Variants in CLUAP1 observed in about 807,000 individuals in gnomAD.
The protein encoded by CLUAP1 is clusterin-associated protein 1.
Under a neutral mutation model 55.0 loss-of-function variants are expected in CLUAP1, and 50 were observed. The observed-to-expected ratio is 0.91, with a 90% CI of 0.72 to 1.15. The LOEUF (loss-of-function observed/expected upper bound fraction) is 1.15, where lower values mean the gene tolerates loss of function less well. Ranked by LOEUF, CLUAP1 falls within the 50% of genes most tolerant of loss-of-function variation. CLUAP1 has a pLI of 0.00. For missense variants in CLUAP1, 530 were observed against 507.6 expected (o/e 1.04, Z -0.42); for synonymous variants, 195 against 175.4 (o/e 1.11, Z -0.88).
intron 10 of CLUAP1, among the ~76,000 whole-genome samples, chr16:3,532,565 C>A (rs572275880): frequency 1.3e-5 from 2 of 149,456 alleles, no homozygotes; most frequent in South Asian, 2.1e-4. Context: ...CAGGTGTGAA[C>A]CACCATACCT....
In CLUAP1 at chr16:3,526,424, AC is replaced by A; in HGVS notation, c.869del (p.Thr290IlefsTer4). The A allele has an allele frequency of 6.2e-7, 1 of 1,604,404 alleles. No individual in the cohort carries two copies. Among genetic ancestry groups the A allele is most frequent in the South Asian group, 1.1e-5 (1 of 89,004 alleles). ...TCCTCTTCCACAGGAAGCTAAAAAC[AC>A]TCTCTGCCTGATACAGAACAAGCTC... ...EQERFEEAKN[T>X]LCLIQNKLKE... On this transcript the variant is annotated frameshift_variant, in exon 9 of 12. Coordinates refer to ENST00000576634, the MANE Select transcript of CLUAP1 (RefSeq NM_015041.3). LOFTEE classifies it high-confidence loss of function.
intron 1 of CLUAP1, among the ~76,000 whole-genome samples, chr16:3,503,656 A>G (rs2037450534): frequency 6.6e-6 from 1 of 152,090 alleles, no homozygotes; most frequent in Admixed American, 6.5e-5. Context: ...GAGTGCAGTC[A>G]CATGATCTGA....
chr16:3,518,053 T>C (rs896882556), intron 6 of CLUAP1, among the ~76,000 whole-genome samples: 1 of 152,096 alleles, frequency 6.6e-6, no homozygotes, highest in African/African-American at 2.4e-5. Context: ...ATGATTGTAT[T>C]GTGGGGATGT....
chr16:3,530,714 C>T, intron 10 of CLUAP1, 39 bp downstream of exon 10: 18 of 1,529,374 alleles, frequency 1.2e-5, no homozygotes, highest in Non-Finnish European at 1.4e-5. Flanking sequence ...TCCCTGCGCC[C>T]TGTTTCACAG....
intron 5 of CLUAP1, among the ~76,000 whole-genome samples, chr16:3,512,976 G>A (rs373621620): frequency 2.6e-5 from 4 of 152,164 alleles, no homozygotes; most frequent in Non-Finnish European, 2.9e-5. Context: ...CACCGCGCCC[G>A]GCACTGGTCT....
intron 8 of CLUAP1, among the ~76,000 whole-genome samples, chr16:3,525,257 C>T (rs779197762): frequency 7.2e-5 from 11 of 152,100 alleles, no homozygotes; most frequent in Admixed American, 3.3e-4. Flanking sequence ...TGAAAAGAAA[C>T]GTTGGCCATT....
Position 3,506,392 on chromosome 16 carries a change from A to G in CLUAP1, c.196A>G (p.Ile66Val). ...TACTGAACAGGACCGAGTTTTCTTC[A>G]TTAAGGCAATTGCCCAGTTCATGGT... ...VDTEQDRVFF[I>V]KAIAQFMATK... is the part of the protein sequence containing the mutation. Residue 66 changes from isoleucine (I) to valine (V), a missense_variant, in exon 3 of 12, where the codon ATT (isoleucine) becomes GTT (valine). Transcript: ENST00000576634. 1.2e-6 allele frequency: 2 copies of G among 1,613,990 alleles called. No individual in the cohort carries two copies. Among genetic ancestry groups the G allele is most frequent in the South Asian group, 2.2e-5 (2 of 91,084 alleles).
chr16:3,509,248 G>A (rs1161649731), intron 4 of CLUAP1, among the ~76,000 whole-genome samples: 2 of 152,110 alleles, frequency 1.3e-5, no homozygotes, highest in Non-Finnish European at 1.5e-5. Flanking sequence ...GACCTTGTCT[G>A]GGGGGAAGAA....
At chr16:3,507,121 G>A (rs2151043565) in intron 3 of CLUAP1, among the ~76,000 whole-genome samples, 1 of 151,856 alleles carries the variant, frequency 6.6e-6, no homozygotes, top group Non-Finnish European at 1.5e-5. Flanking sequence ...GTGTGAACCT[G>A]GGAGGCAGAG....
chr16:3,512,913 C>T (rs917996416), intron 5 of CLUAP1, among the ~76,000 whole-genome samples: 2 of 152,256 alleles, frequency 1.3e-5, no homozygotes, highest in East Asian at 1.9e-4. Flanking sequence ...ATCTCCTGAC[C>T]TCGTGATCTG....
chr16:3,532,666 C>G (rs546809805), intron 10 of CLUAP1, 120 bp from the exon 11 acceptor site: 17 of 1,019,558 alleles, frequency 1.7e-5, no homozygotes, highest in Non-Finnish European at 2.5e-5. Context: ...CTCAGCCTCC[C>G]AAATTCCTGG....
chr16:3,511,395 T>C (rs1318340195), intron 4 of CLUAP1, among the ~76,000 whole-genome samples: 5 of 152,160 alleles, frequency 3.3e-5, no homozygotes, highest in Non-Finnish European at 4.4e-5. Flanking sequence ...TAAATCCTCA[T>C]TGTGGTTGTC....
At chr16:3,527,793 C>T (rs945104984) in intron 9 of CLUAP1, among the ~76,000 whole-genome samples, 10 of 152,054 alleles carry the variant, frequency 6.6e-5, no homozygotes, top group African/African-American at 2.4e-4. Context: ...CGTAAGCTGT[C>T]TCTCTCTCCT....
At chr16:3,527,600 T>C (rs1178925874) in intron 9 of CLUAP1, among the ~76,000 whole-genome samples, 4 of 152,040 alleles carry the variant, frequency 2.6e-5, no homozygotes, top group Admixed American at 2.6e-4. Context: ...GTGGAGGGCC[T>C]GACATCAGTC....
chr16:3,536,213 A>G lies in CLUAP1; in HGVS notation c.1184A>G (p.Lys395Arg), dbSNP rs1200940694. Residue 395 changes from lysine (K) to arginine (R), a missense_variant, in exon 12 of 12, where the codon AAG becomes AGG. By Grantham distance (26) the Lys-to-Arg change is conservative. Transcript: ENST00000576634. Reference sequence around the variant, plus strand: ...GAGAGCATTTCTCTCTCACCAACCAAGCCCAATCGAAGGGTCCGGAAATCT... The same window carrying G: ...GAGAGCATTTCTCTCTCACCAACCAGGCCCAATCGAAGGGTCCGGAAATCT... The part of the protein sequence containing the change: ...EDESISLSPT[K>R]PNRRVRKSEP... 2 of 1,614,180 alleles carry G rather than the reference A, an allele frequency of 1.2e-6. No homozygotes were observed. The highest frequency in any genetic ancestry group is 8.5e-7 in the Non-Finnish European group (1 of 1,180,018).
intron 6 of CLUAP1, among the ~76,000 whole-genome samples, chr16:3,518,192 T>G (rs2037765612): frequency 6.6e-6 from 1 of 152,204 alleles, no homozygotes; most frequent in South Asian, 2.1e-4. Flanking sequence ...TTCCGTAAAT[T>G]TTTGATTGTT....
intron 6 of CLUAP1, among the ~76,000 whole-genome samples, chr16:3,518,820 T>C (rs2037777314): frequency 6.6e-6 from 1 of 152,176 alleles, no homozygotes; most frequent in Non-Finnish European, 1.5e-5. Flanking sequence ...AAACACACCA[T>C]GCCTGAGAGT....
At chr16:3,520,160 C>A in intron 7 of CLUAP1, 124 bp downstream of exon 7, 1 of 1,013,516 alleles carries the variant, frequency 9.9e-7, no homozygotes, top group Non-Finnish European at 1.4e-6. Context: ...TTCTCTTGAG[C>A]CCAGGAGTTT....
rs192895703 is a variant in CLUAP1 at position 3,526,780 on chromosome 16, C to T, written c.928+296C>T. Among the ~76,000 whole-genome samples, 190 of 152,166 alleles carry T rather than the reference C, an allele frequency of 1.2e-3. No individual in the cohort carries two copies. The Middle Eastern group carries it at 0.014, about 11-fold the overall frequency. ...TGGTTTAAATATAGCATTTAAAACA[C>T]ATTTCGTTCTTGTGCCAGTTAAGAT... On this transcript the variant is annotated intron_variant, in intron 9 of 11. Coordinates refer to ENST00000576634, the MANE Select transcript of CLUAP1 (RefSeq NM_015041.3).
Sources: allele counts gnomAD v4.1 joint callset (sites outside exome capture counted in the v4.1 genomes callset), GRCh38; gene constraint gnomAD v4.1.1; transcripts MANE v1.5; gene names NCBI Gene and HGNC (gene_info 2026-07-23, HGNC 2026-07-21).